Variants in NCEH1 observed in about 807,000 individuals in gnomAD.
The protein encoded by NCEH1 is neutral cholesterol ester hydrolase 1, also known as 2-acetyl MAGE hydrolase.
A neutral mutation model predicts 25.4 loss-of-function variants in NCEH1; 9 were observed. The observed-to-expected ratio is 0.35, with a 90% CI of 0.21 to 0.62. The LOEUF is 0.62. Ranked by LOEUF, NCEH1 falls within the 20% of genes least tolerant of loss-of-function variation. The probability of loss-of-function intolerance (pLI) is 0.72; values close to 1 mark genes in which losing one functional copy is unlikely to be tolerated. For missense variants in NCEH1, 412 were observed against 501.1 expected (o/e 0.82, Z 1.70); for synonymous variants, 200 against 199.8 (o/e 1.00, Z -0.01).
intron 1 of NCEH1, among the ~76,000 whole-genome samples, chr3:172,652,346 A>G (rs975618717): frequency 1.3e-5 from 2 of 152,198 alleles, no homozygotes; most frequent in African/African-American, 4.8e-5. Context: ...AGGAATAGAA[A>G]TGTGTGCTAA....
chr3:172,669,701 T>A (rs1366729075), intron 1 of NCEH1, among the ~76,000 whole-genome samples: 1 of 152,184 alleles, frequency 6.6e-6, no homozygotes, highest in Admixed American at 6.5e-5. Flanking sequence ...CACACCCAAC[T>A]AATTTTTGTA....
intron 1 of NCEH1, among the ~76,000 whole-genome samples, chr3:172,654,054 C>T (rs539573315): frequency 2.6e-5 from 4 of 152,074 alleles, no homozygotes; most frequent in Non-Finnish European, 5.9e-5. Flanking sequence ...CGTGCCCGGC[C>T]TGGAAAGTGT....
At chr3:172,678,886 A>C (rs955455469) in intron 1 of NCEH1, among the ~76,000 whole-genome samples, 2 of 152,188 alleles carry the variant, frequency 1.3e-5, no homozygotes, top group Non-Finnish European at 2.9e-5. Context: ...ATAGCACTTG[A>C]ACATAAATTT....
At chr3:172,661,752 C>G (rs550319298) in intron 1 of NCEH1, among the ~76,000 whole-genome samples, 132 of 152,172 alleles carry the variant, frequency 8.7e-4, no homozygotes, top group African/African-American at 2.6e-3. Flanking sequence ...TGGGAGTTCA[C>G]TCATGATTTG....
At chr3:172,705,913 ACTT>A (rs1471431780) in intron 1 of NCEH1, among the ~76,000 whole-genome samples, 1 of 150,078 alleles carries the variant, frequency 6.7e-6, no homozygotes, top group Non-Finnish European at 1.5e-5. Context: ...CACGAGAATC[ACTT>A]GAAACCAGGA....
intron 1 of NCEH1, among the ~76,000 whole-genome samples, chr3:172,666,217 C>T (rs542970941): frequency 1.7e-4 from 26 of 152,328 alleles, no homozygotes; most frequent in African/African-American, 6.0e-4. Flanking sequence ...ATGGCAACTC[C>T]TGCCTTCTTC....
intron 1 of NCEH1, among the ~76,000 whole-genome samples, chr3:172,672,029 A>G (rs1463357553): frequency 2.0e-5 from 3 of 152,228 alleles, no homozygotes; most frequent in Admixed American, 1.3e-4. Flanking sequence ...TCATTCACTG[A>G]TTCACCCAGA....
At position 172,630,886 on chromosome 3, in the gene NCEH1, A is replaced by T. The variant is rs1447544823; in HGVS notation, c.*2589T>A. 1 of 152,178 alleles carries T rather than the reference A, an allele frequency of 6.6e-6. No homozygotes were observed. Among genetic ancestry groups the T allele is most frequent in the Non-Finnish European group, 1.5e-5 (1 of 68,038 alleles). The allele number at this position is 152,178 out of a possible 1,614,324, so 9.4% of individuals were successfully genotyped here. On this transcript the variant is annotated 3_prime_UTR_variant, in exon 5 of 5. Transcript: ENST00000475381. ...GTCTTAAATTCTTCACAAATCAATAAAACATTAATTTATACTTCACTATAC... is the reference window on the plus strand; with the variant it reads ...GTCTTAAATTCTTCACAAATCAATATAACATTAATTTATACTTCACTATAC...
At chr3:172,642,278 G>A (rs1267407142) in intron 3 of NCEH1, among the ~76,000 whole-genome samples, 2 of 151,940 alleles carry the variant, frequency 1.3e-5, no homozygotes, top group Non-Finnish European at 2.9e-5. Flanking sequence ...TGCTCAAGCA[G>A]TCTTTCCAAC....
Position 172,677,007 on chromosome 3 carries a change from A to AC in NCEH1, c.139-28894dup, listed in dbSNP as rs141404573. On this transcript the variant is annotated intron_variant, in intron 1 of 4. Transcript: ENST00000475381. The stretch of plus-strand genomic sequence containing the variant: ...ATAAACAAATGCCCTTCCTGAGGCT[A>AC]CCCAAGCTGCTAAAAGCCTCCCTTG... Among the ~76,000 whole-genome samples the AC allele has an allele frequency of 3.7e-4, 57 of 152,300 alleles. 1 individual carries two copies. The East Asian group carries it at 0.01, about 28-fold the overall frequency.
At chr3:172,698,079 C>T (rs1172206374) in intron 1 of NCEH1, among the ~76,000 whole-genome samples, 3 of 147,906 alleles carry the variant, frequency 2.0e-5, no homozygotes, top group Non-Finnish European at 3.0e-5. Flanking sequence ...TGGGTTCAAG[C>T]GACTCTCCTG....
intron 1 of NCEH1, among the ~76,000 whole-genome samples, chr3:172,684,207 T>G (rs1205444834): frequency 6.6e-6 from 1 of 152,230 alleles, no homozygotes; most frequent in Non-Finnish European, 1.5e-5. Context: ...AACACATGCT[T>G]GTGGAACAAT....
Position 172,661,553 on chromosome 3 carries a change from T to G in NCEH1, c.139-13439A>C, listed in dbSNP as rs144455746. On this transcript the variant is annotated intron_variant, in intron 1 of 4. Coordinates refer to ENST00000475381, the MANE Select transcript of NCEH1 (RefSeq NM_020792.6). ...TGGGGATGGCATGGAATTTATAAAT[T>G]TCCTTGGGCAGTATGGCCATTTTCA... Among the ~76,000 whole-genome samples the G allele has an allele frequency of 1.6e-4, 25 of 152,336 alleles. No individual in the cohort carries two copies. In the East Asian group the frequency reaches 4.2e-3, roughly 26 times the overall value.
chr3:172,660,054 A>T (rs1214762777), intron 1 of NCEH1, among the ~76,000 whole-genome samples: 8 of 151,630 alleles, frequency 5.3e-5, no homozygotes, highest in Admixed American at 5.3e-4. Context: ...ACATATGTAT[A>T]CATGTGCCAT....
intron 1 of NCEH1, among the ~76,000 whole-genome samples, chr3:172,685,905 A>G (rs1340089664): frequency 6.6e-6 from 1 of 152,198 alleles, no homozygotes; most frequent in Admixed American, 6.5e-5. Context: ...TGGAAGGAAA[A>G]CTACAGAGCA....
At chr3:172,649,036 G>A (rs1045574391) in intron 1 of NCEH1, among the ~76,000 whole-genome samples, 20 of 152,150 alleles carry the variant, frequency 1.3e-4, no homozygotes, top group African/African-American at 4.3e-4. Flanking sequence ...AAACAATGTT[G>A]CTAGCAGAAA....
intron 1 of NCEH1, among the ~76,000 whole-genome samples, chr3:172,688,478 A>G (rs1376536566): frequency 6.6e-6 from 1 of 151,984 alleles, no homozygotes; most frequent in African/African-American, 2.4e-5. Flanking sequence ...TGATTTGAGT[A>G]TAGTCTTGTC....
intron 1 of NCEH1, among the ~76,000 whole-genome samples, chr3:172,674,484 T>C (rs1307359197): frequency 6.6e-6 from 1 of 151,678 alleles, no homozygotes; most frequent in Non-Finnish European, 1.5e-5. Flanking sequence ...CTACTCATCT[T>C]ACTCAGTCCC....
In NCEH1 at chr3:172,630,333, AT is replaced by A. The variant is rs1716292673; in HGVS notation, c.*3141del. The A allele has an allele frequency of 6.6e-6, 1 of 152,246 alleles. No individual in the cohort carries two copies. Among genetic ancestry groups the A allele is most frequent in the Admixed American group, 6.5e-5 (1 of 15,290 alleles). The allele number at this position is 152,246 out of a possible 1,614,324, so 9.4% of individuals were successfully genotyped here. A position where few individuals can be genotyped will look rare whatever the true frequency, so the allele number is the denominator to read the frequency against. ...TGATAGTGATGCTTTGGCTGAAACA[AT>A]TCAGCTCAAACTCTTGGCATTATGA... is the stretch of plus-strand genomic sequence containing the variant. On this transcript the variant is annotated 3_prime_UTR_variant, in exon 5 of 5. Transcript: ENST00000475381.
Sources: allele counts gnomAD v4.1 joint callset (sites outside exome capture counted in the v4.1 genomes callset), GRCh38; gene constraint gnomAD v4.1.1; transcripts MANE v1.5; gene names NCBI Gene and HGNC (gene_info 2026-07-23, HGNC 2026-07-21).